UNC93B1: variants seen among roughly 807,000 people sequenced by gnomAD.
UNC93B1 encodes protein unc-93 homolog B1.
Under a neutral mutation model 56.8 loss-of-function variants are expected in UNC93B1, and 33 were observed. That is an observed-to-expected ratio of 0.58 (90% CI 0.44 to 0.78). The LOEUF (loss-of-function observed/expected upper bound fraction) is 0.78, where lower values mean the gene tolerates loss of function less well. Among genes scored for constraint, UNC93B1 ranks in the 30% least tolerant of loss-of-function variants. The pLI, the probability that UNC93B1 is intolerant of heterozygous loss-of-function variation, is 0.00. For synonymous variants in UNC93B1, 334 were observed against 358.6 expected, an observed-to-expected ratio of 0.93 and a Z score of 0.77; for missense variants, 673 against 819.5, an observed-to-expected ratio of 0.82 and a Z score of 2.18.
At chr11:68,002,935 G>A (rs1401048544) in intron 3 of UNC93B1, 87 bp downstream of exon 3, 29 of 1,461,814 alleles carry the variant, frequency 2.0e-5, no homozygotes, top group East Asian at 2.8e-5. Flanking sequence ...CAAACACCCC[G>A]GCAGATGGAC....
Position 68,003,760 on chromosome 11 carries a change from C to T in UNC93B1, c.135G>A (p.Glu45=), listed in dbSNP as rs572359733. The change falls in exon 2 of 11, where the codon GAG becomes GAA. Residue 45 remains glutamate (E), a synonymous_variant. Coordinates refer to ENST00000227471, the MANE Select transcript of UNC93B1 (RefSeq NM_030930.4). The surrounding 1 kb of genome is among the most constrained non-coding windows in gnomAD (Gnocchi z 4.4). ...ELVGAYPNYN[E]EEEERRYYRR... is the part of the protein sequence containing the mutation. ...GGTAGTAGCGGCGCTCCTCCTCCTC[C>T]TCGTTGTAGTTGGGGTACGCGCCCA... is the stretch of plus-strand genomic sequence containing the variant. 2,133 of 1,521,130 alleles carry T rather than the reference C, an allele frequency of 1.4e-3. 4 individuals are homozygous for T. The highest frequency in any genetic ancestry group is 1.7e-3 in the Non-Finnish European group (1,992 of 1,140,854). The allele number at this position is 1,521,130 out of a possible 1,614,324, so 94.2% of individuals were successfully genotyped here. A position where few individuals can be genotyped will look rare whatever the true frequency, so the allele number is the denominator to read the frequency against.
intron 7 of UNC93B1, 133 bp from the exon 8 acceptor site, chr11:67,996,917 G>T: frequency 8.7e-7 from 1 of 1,147,190 alleles, no homozygotes; most frequent in Non-Finnish European, 1.2e-6. Flanking sequence ...CCAGGGCCCC[G>T]CCCCTGAGAC....
Position 67,996,654 on chromosome 11 carries a change from A to G in UNC93B1, c.1037T>C (p.Phe346Ser). Reference sequence around the variant, plus strand: ...CACCTCGAAGCCGCTGTAGATAAAGAAAGGCACGAGGTGGCGCAGGCGGTA... The same window carrying G: ...CACCTCGAAGCCGCTGTAGATAAAGGAAGGCACGAGGTGGCGCAGGCGGTA... ...RDYRLRHLVP[F>S]FIYSGFEVLF... The change falls in exon 8 of 11, where the codon TTC (phenylalanine) becomes TCC (serine). Residue 346 changes from phenylalanine to serine, a missense_variant. Coordinates refer to ENST00000227471, the MANE Select transcript of UNC93B1 (RefSeq NM_030930.4). The G allele has an allele frequency of 6.4e-7, 1 of 1,551,530 alleles. No individual in the cohort carries two copies. The highest frequency in any genetic ancestry group is 8.7e-7 in the Non-Finnish European group (1 of 1,146,868).
At position 67,999,499 on chromosome 11, in the gene UNC93B1, C is replaced by G; in HGVS notation, c.554+20G>C. The G allele has an allele frequency of 1.9e-6, 3 of 1,545,388 alleles. No individual in the cohort carries two copies. The highest frequency in any genetic ancestry group is 2.6e-6 in the Non-Finnish European group (3 of 1,143,136). On this transcript the variant is annotated intron_variant, in intron 4 of 10. Coordinates refer to ENST00000227471, the MANE Select transcript of UNC93B1 (RefSeq NM_030930.4). ...TTGGCCAGGTCTCCAGCCTCCTGCC[C>G]TGCTGCCCACCAGGCTCACCTGGTG...
chr11:67,999,649 C>A lies in UNC93B1; in HGVS notation c.424G>T (p.Ala142Ser). The A allele has an allele frequency of 6.2e-7, 1 of 1,611,846 alleles. No homozygotes were observed. Among genetic ancestry groups the A allele is most frequent in the Non-Finnish European group, 8.5e-7 (1 of 1,179,090 alleles). The change falls in exon 4 of 11, where the codon GCT becomes TCT. Residue 142 changes from alanine to serine, a missense_variant. By Grantham distance (99) the Ala-to-Ser change is moderately conservative. This residue lies in a region of UNC93B1 where 438 missense variants were observed against 465.9 expected (regional missense o/e 0.94). Coordinates refer to ENST00000227471, the MANE Select transcript of UNC93B1 (RefSeq NM_030930.4). ...ACAAAGAGGGCGTAGATGCCCACAG[C>A]GAGGAACATCATCCACTTCGTTCCA... ...FFGTKWMMFL[A>S]VGIYALFVST...
At chr11:67,997,870 G>A in intron 6 of UNC93B1, 71 bp from the exon 7 acceptor site, 3 of 1,569,928 alleles carry the variant, frequency 1.9e-6, no homozygotes, top group Non-Finnish European at 1.7e-6. Context: ...CACCAGGGTG[G>A]AGCCACGCAG....
intron 3 of UNC93B1, 43 bp downstream of exon 3, chr11:68,002,978 GA>G: frequency 6.4e-7 from 1 of 1,565,552 alleles, no homozygotes; most frequent in Non-Finnish European, 8.6e-7. Flanking sequence ...GTACCCCTCC[GA>G]AATGGGAGTA....
chr11:68,003,130 C>T lies in UNC93B1; in HGVS notation c.284G>A (p.Arg95His), dbSNP rs1405314727. ...CCCCATGTTGCCATACTTCACCTCG[C>T]GGTAGGTCTCGTCGTAGTGCAGGAT... ...QLILHYDETYREVKYGNMGLP... is the reference protein window; with the variant it reads ...QLILHYDETYHEVKYGNMGLP... The change falls in exon 3 of 11, where the codon CGC (arginine) becomes CAC (histidine). Residue 95 changes from arginine (R) to histidine (H), a missense_variant. Arg to His is a conservative substitution (Grantham distance 29, BLOSUM62 0). Transcript: ENST00000227471. The surrounding 1 kb of genome is among the most constrained non-coding windows in gnomAD (Gnocchi z 4.4). The T allele has an allele frequency of 1.9e-6, 3 of 1,613,444 alleles. No homozygotes were observed. Among genetic ancestry groups the T allele is most frequent in the Non-Finnish European group, 1.7e-6 (2 of 1,179,842 alleles).
chr11:67,999,394 C>T (rs1156595688), intron 4 of UNC93B1, 89 bp from the exon 5 acceptor site: 33 of 1,551,636 alleles, frequency 2.1e-5, no homozygotes, highest in Admixed American at 3.9e-5. Flanking sequence ...AGACCAGCCC[C>T]GGTGTGGGGA....
chr11:67,994,145 C>T lies in UNC93B1; in HGVS notation c.1364-351G>A, dbSNP rs59830154. Among the ~76,000 whole-genome samples the T allele has an allele frequency of 2.6e-3, 403 of 152,230 alleles. 4 individuals carry two copies. The highest frequency in any genetic ancestry group is 7.6e-3 in the African/African-American group (317 of 41,482). On this transcript the variant is annotated intron_variant, in intron 9 of 10. Coordinates refer to ENST00000227471, the MANE Select transcript of UNC93B1 (RefSeq NM_030930.4). Reference sequence around the variant, plus strand: ...CAAGCTTGCAGGCGCTGTTTCTCCTCCTCAGCCAGGACTAGAGAGATCGAA... The same window carrying T: ...CAAGCTTGCAGGCGCTGTTTCTCCTTCTCAGCCAGGACTAGAGAGATCGAA...
At chr11:67,999,994 T>C (rs761991135) in intron 3 of UNC93B1, among the ~76,000 whole-genome samples, 4 of 152,212 alleles carry the variant, frequency 2.6e-5, no homozygotes, top group Admixed American at 2.6e-4. Context: ...GATTCTCCCA[T>C]TCCCCCTTCT....
intron 9 of UNC93B1, 125 bp downstream of exon 9, chr11:67,995,486 G>T (rs1242904725): frequency 3.7e-6 from 3 of 814,482 alleles, no homozygotes; most frequent in Non-Finnish European, 5.6e-6. Flanking sequence ...ATGTCCACAG[G>T]ACCCTATGTG....
In UNC93B1 at chr11:67,991,321, A is replaced by G. The variant is rs1416994223; in HGVS notation, c.*225T>C. 6.9e-6 allele frequency: 3 copies of G among 432,804 alleles called. No individual in the cohort carries two copies. The South Asian group carries it at 2.0e-4, about 29-fold the overall frequency. The allele number at this position is 432,804 out of a possible 1,614,324, so 26.8% of individuals were successfully genotyped here. ...CGCGGGGTTTCAGCTGTATTTTCGA[A>G]CCCCTGTGCTTGGCCGAGGGGTTCC... On this transcript the variant is annotated 3_prime_UTR_variant, in exon 11 of 11. Transcript: ENST00000227471.
chr11:68,003,559 G>C lies in UNC93B1; in HGVS notation c.238+98C>G, dbSNP rs1467009340. ...CTGCAGCTGCGAGGGCAGCGGAGGG[G>C]AAGTGAGAGCGGGCGGGAGGCGGCG... On this transcript the variant is annotated intron_variant, in intron 2 of 10. Transcript: ENST00000227471. This position sits in a 1 kb window ranked among gnomAD's most constrained non-coding sequence, Gnocchi z 4.4. 1 of 1,437,926 alleles carries C rather than the reference G, an allele frequency of 7.0e-7. No homozygotes were observed. Among genetic ancestry groups the C allele is most frequent in the Non-Finnish European group, 9.1e-7 (1 of 1,095,134 alleles). 89.1% of individuals were successfully genotyped at this position (1,437,926 alleles called of 1,614,324 possible).
At chr11:67,999,774 A>T in intron 3 of UNC93B1, 94 bp from the exon 4 acceptor site, 1 of 1,491,400 alleles carries the variant, frequency 6.7e-7, no homozygotes. Context: ...CCCAGCTCAC[A>T]GGGCTTTGTG....
At chr11:68,001,494 T>C (rs1857043857) in intron 3 of UNC93B1, among the ~76,000 whole-genome samples, 1 of 151,022 alleles carries the variant, frequency 6.6e-6, no homozygotes, top group Non-Finnish European at 1.5e-5. Context: ...ACAAATACTT[T>C]AAAAATCAGC....
rs1357697548 is a variant in UNC93B1 at position 67,993,763 on chromosome 11, C to G, written c.1395G>C (p.Glu465Asp). ...TLLGILYEDK[E>D]RQDFIFTIYH... ...AGATGGTGAAGATGAAGTCCTGTCT[C>G]TCCTTGTCTTCGTACAAGATTCCCA... Residue 465 changes from glutamate (E) to aspartate (D), a missense_variant, in exon 10 of 11, where the codon GAG becomes GAC. Glu to Asp is a conservative substitution (Grantham distance 45, BLOSUM62 2). Coordinates refer to ENST00000227471, the MANE Select transcript of UNC93B1 (RefSeq NM_030930.4). 2.4e-6 allele frequency: 3 copies of G among 1,226,044 alleles called. No individual in the cohort carries two copies. Among genetic ancestry groups the G allele is most frequent in the Non-Finnish European group, 3.5e-6 (3 of 861,670 alleles). 75.9% of individuals were successfully genotyped at this position (1,226,044 alleles called of 1,614,324 possible).
At chr11:68,002,539 A>C (rs548218420) in intron 3 of UNC93B1, among the ~76,000 whole-genome samples, 67 of 152,246 alleles carry the variant, frequency 4.4e-4, no homozygotes, top group African/African-American at 1.6e-3. Context: ...GCTGAACCAC[A>C]TACCTCCAGG....
chr11:67,999,631 G>T lies in UNC93B1; in HGVS notation c.442C>A (p.Leu148Ile). Residue 148 changes from leucine (L) to isoleucine (I), a missense_variant, in exon 4 of 11, where the codon CTC becomes ATC. Leu to Ile is a conservative substitution (Grantham distance 5). This residue lies in a region of UNC93B1 where 438 missense variants were observed against 465.9 expected (regional missense o/e 0.94). Coordinates refer to ENST00000227471, the MANE Select transcript of UNC93B1 (RefSeq NM_030930.4). ...MMFLAVGIYA[L>I]FVSTNYWERY... ...TCCCAGTAGTTGGTGGAGACAAAGA[G>T]GGCGTAGATGCCCACAGCGAGGAAC... is the stretch of plus-strand genomic sequence containing the variant. 1 of 1,611,454 alleles carries T rather than the reference G, an allele frequency of 6.2e-7. No homozygotes were observed. Among genetic ancestry groups the T allele is most frequent in the South Asian group, 1.1e-5 (1 of 90,432 alleles).
Sources: gnomAD v4.1 joint callset for allele counts (sites outside exome capture counted in the v4.1 genomes callset) on GRCh38, gnomAD v4.1.1 for gene constraint, gnomAD v4.1.1 regional missense constraint, Gnocchi (gnomAD v3.1) non-coding constraint, MANE v1.5 for transcripts, NCBI Gene and HGNC (gene_info 2026-07-23, HGNC 2026-07-21) for gene names.